KHDRBS2: variants seen among roughly 807,000 people sequenced by gnomAD.
The protein encoded by KHDRBS2 is KH domain-containing, RNA-binding, signal transduction-associated protein 2.
KHDRBS2 carries 26 observed loss-of-function variants against 44.3 expected under a neutral mutation model. The observed-to-expected ratio is 0.59, with a 90% CI of 0.43 to 0.81. The LOEUF (loss-of-function observed/expected upper bound fraction) is 0.81, where lower values mean the gene tolerates loss of function less well. KHDRBS2 is among the 40% of genes least tolerant of loss of function. KHDRBS2 has a pLI of 0.00. For missense variants in KHDRBS2, 476 were observed against 433.1 expected (o/e 1.10, Z -0.88); for synonymous variants, 194 against 151.1 (o/e 1.28, Z -2.08).
intron 6 of KHDRBS2, among the ~76,000 whole-genome samples, chr6:61,756,742 A>G (rs1314955155): frequency 2.0e-5 from 3 of 152,232 alleles, no homozygotes; most frequent in Non-Finnish European, 4.4e-5. Flanking sequence ...ACAATTTGAC[A>G]TAGGTGCAAA....
At chr6:62,114,653 C>T (rs1351288215) in intron 2 of KHDRBS2, among the ~76,000 whole-genome samples, 1 of 152,056 alleles carries the variant, frequency 6.6e-6, no homozygotes, top group African/African-American at 2.4e-5. Context: ...TATGCGTTAT[C>T]TTTCACTAAG....
In KHDRBS2 at chr6:62,214,681, G is replaced by A. The variant is rs1383710218; in HGVS notation, c.92-37369C>T. 3.3e-5 allele frequency among the ~76,000 whole-genome samples: 5 copies of A among 151,896 alleles called. No individual in the cohort carries two copies. The East Asian group carries it at 9.6e-4, about 29-fold the overall frequency. On this transcript the variant is annotated intron_variant, in intron 1 of 8. Coordinates refer to ENST00000281156, the MANE Select transcript of KHDRBS2 (RefSeq NM_152688.4). ...TTATCTGAAAGGGAGACCTAGGAAG[G>A]TAGATTTTTCTCTGTGCTCAAAAGA...
At chr6:62,152,600 A>C (rs1220227951) in intron 2 of KHDRBS2, among the ~76,000 whole-genome samples, 1 of 152,198 alleles carries the variant, frequency 6.6e-6, no homozygotes, top group Non-Finnish European at 1.5e-5. Context: ...GATTATTTTA[A>C]AAGTTGCAGA....
intron 2 of KHDRBS2, among the ~76,000 whole-genome samples, chr6:62,139,305 C>A (rs553539000): frequency 8.7e-4 from 132 of 152,176 alleles, no homozygotes; most frequent in African/African-American, 2.9e-3. Flanking sequence ...GTAATCCCAG[C>A]ACTTTGGGAT....
intron 1 of KHDRBS2, among the ~76,000 whole-genome samples, chr6:62,267,113 C>A (rs1839336837): frequency 6.6e-6 from 1 of 151,928 alleles, no homozygotes; most frequent in Admixed American, 6.6e-5. Context: ...TCCTTTGCAA[C>A]CCTTTTGGTT....
the KHDRBS2 span, among the ~76,000 whole-genome samples, chr6:61,595,369 C>A: frequency 6.6e-6 from 1 of 152,050 alleles, no homozygotes; most frequent in African/African-American, 2.4e-5. Flanking sequence ...AATATTTAGT[C>A]ACACAAAATT....
At chr6:61,751,199 T>A (rs983956358) in intron 6 of KHDRBS2, among the ~76,000 whole-genome samples, 4 of 152,210 alleles carry the variant, frequency 2.6e-5, no homozygotes, top group Non-Finnish European at 4.4e-5. Flanking sequence ...TTCTTGACTA[T>A]ACCTTACATT....
chr6:62,201,921 C>T (rs1200817353), intron 1 of KHDRBS2, among the ~76,000 whole-genome samples: 1 of 151,842 alleles, frequency 6.6e-6, no homozygotes, highest in Non-Finnish European at 1.5e-5. Flanking sequence ...AATATATCTC[C>T]TGGATTTCAG....
intron 7 of KHDRBS2, among the ~76,000 whole-genome samples, chr6:61,730,306 G>A (rs1170805056): frequency 6.6e-6 from 1 of 152,040 alleles, no homozygotes; most frequent in Non-Finnish European, 1.5e-5. Flanking sequence ...TATCAGAGAA[G>A]CACATAAATA....
chr6:61,566,072 A>T, the KHDRBS2 span, among the ~76,000 whole-genome samples: 3 of 151,996 alleles, frequency 2.0e-5, no homozygotes, highest in African/African-American at 7.2e-5. Context: ...ATACAAAAAA[A>T]ATCCAGTCAT....
chr6:61,749,227 A>G (rs1455940245), intron 6 of KHDRBS2, among the ~76,000 whole-genome samples: 1 of 151,608 alleles, frequency 6.6e-6, no homozygotes, highest in East Asian at 2.0e-4. Flanking sequence ...GTTAGCCAGG[A>G]TGATCTCGAT....
the KHDRBS2 span, among the ~76,000 whole-genome samples, chr6:61,598,837 CTTTTTT>C: frequency 3.1e-5 from 2 of 65,516 alleles, no homozygotes; most frequent in Admixed American, 1.8e-4. Flanking sequence ...TTTTTCTTTT[CTTTTTT>C]TTTTTTTTTT....
At chr6:61,774,856 C>A (rs1172014079) in intron 6 of KHDRBS2, among the ~76,000 whole-genome samples, 1 of 152,060 alleles carries the variant, frequency 6.6e-6, no homozygotes, top group South Asian at 2.1e-4. Flanking sequence ...AATTTTAGAC[C>A]AATATCCCTG....
At chr6:61,875,850 T>G (rs1799334253) in intron 6 of KHDRBS2, among the ~76,000 whole-genome samples, 1 of 152,044 alleles carries the variant, frequency 6.6e-6, no homozygotes, top group Admixed American at 6.6e-5. Flanking sequence ...AATGTTATAA[T>G]TACCCTCTTA....
the KHDRBS2 span, among the ~76,000 whole-genome samples, chr6:61,645,492 A>T: frequency 6.7e-6 from 1 of 149,692 alleles, no homozygotes; most frequent in Non-Finnish European, 1.5e-5. Flanking sequence ...ACAAAAACAT[A>T]AAACAACAAC....
chr6:62,179,342 G>T (rs537448633), intron 1 of KHDRBS2, among the ~76,000 whole-genome samples: 3 of 151,740 alleles, frequency 2.0e-5, no homozygotes, highest in African/African-American at 7.2e-5. Context: ...TCTACTTAGT[G>T]TGATAACATC....
intron 6 of KHDRBS2, among the ~76,000 whole-genome samples, chr6:61,801,359 T>TA (rs1786244592): frequency 6.6e-6 from 1 of 152,060 alleles, no homozygotes; most frequent in South Asian, 2.1e-4. Context: ...AAGAATTCCC[T>TA]AATTAAGGAA....
At chr6:62,062,598 A>G (rs965932867) in intron 2 of KHDRBS2, among the ~76,000 whole-genome samples, 2 of 149,658 alleles carry the variant, frequency 1.3e-5, no homozygotes, top group African/African-American at 4.9e-5. Context: ...AAGACACAAC[A>G]TACCAGAATC....
chr6:61,570,354 C>A, the KHDRBS2 span, among the ~76,000 whole-genome samples: 1 of 151,694 alleles, frequency 6.6e-6, no homozygotes, highest in Non-Finnish European at 1.5e-5. Flanking sequence ...TTAAATTAAG[C>A]CAGTCAGACA....
Sources: gnomAD v4.1 joint callset for allele counts (sites outside exome capture counted in the v4.1 genomes callset) on GRCh38, gnomAD v4.1.1 for gene constraint, MANE v1.5 for transcripts, NCBI Gene and HGNC (gene_info 2026-07-23, HGNC 2026-07-21) for gene names.